Variants in LHPP observed in about 807,000 individuals in gnomAD.
LHPP encodes the protein phospholysine phosphohistidine inorganic pyrophosphate phosphatase.
In LHPP, 24 loss-of-function variants were observed where a neutral mutation model predicts 30.3. The ratio of observed to expected loss-of-function variants is 0.79; its 90% CI spans 0.57 to 1.11. LHPP has a LOEUF of 1.11. LHPP is among the 50% of genes most tolerant of loss of function. LHPP has a pLI of 0.00. For synonymous variants in LHPP, 150 were observed against 157.1 expected, an observed-to-expected ratio of 0.95 and a Z score of 0.34; for missense variants, 356 against 367.2, an observed-to-expected ratio of 0.97 and a Z score of 0.25.
intron 6 of LHPP, among the ~76,000 whole-genome samples, chr10:124,599,897 C>T (rs560887994): frequency 2.4e-4 from 37 of 152,190 alleles, no homozygotes; most frequent in Non-Finnish European, 5.1e-4. Context: ...GGCCTGTGTC[C>T]CAGAGACCTT....
chr10:124,508,426 C>T lies in LHPP; in HGVS notation c.625-8754C>T, dbSNP rs80283209. Among the ~76,000 whole-genome samples the T allele has an allele frequency of 4.1e-4, 63 of 152,270 alleles. No individual in the cohort carries two copies. The East Asian group carries it at 8.9e-3, about 21-fold the overall frequency. On this transcript the variant is annotated intron_variant, in intron 5 of 6. Transcript: ENST00000368842. ...GGTTTGAATTGGAAACTCTGTCCAC[C>T]GATGCCTGGCACCTGGCACCTAGCC...
intron 1 of LHPP, among the ~76,000 whole-genome samples, chr10:124,471,436 A>AT (rs1291362122): frequency 6.3e-5 from 1 of 15,776 alleles, no homozygotes; most frequent in African/African-American, 2.1e-4. Context: ...ATATTTATAT[A>AT]TTATATATAT....
At chr10:124,464,025 C>T (rs1952486989) in intron 1 of LHPP, among the ~76,000 whole-genome samples, 1 of 151,922 alleles carries the variant, frequency 6.6e-6, no homozygotes, top group Non-Finnish European at 1.5e-5. Context: ...TGCCATGTTG[C>T]CCAGGCCGGT....
intron 3 of LHPP, among the ~76,000 whole-genome samples, chr10:124,492,732 T>C (rs1953571058): frequency 6.6e-6 from 1 of 152,222 alleles, no homozygotes; most frequent in Non-Finnish European, 1.5e-5. Flanking sequence ...TTACACCCAT[T>C]GCAATTTAGG....
intron 1 of LHPP, among the ~76,000 whole-genome samples, chr10:124,470,681 C>CAACAACAACAACAACAAT (rs1554877242): frequency 3.3e-5 from 5 of 150,776 alleles, no homozygotes; most frequent in African/African-American, 1.2e-4. Flanking sequence ...ACAACAACAA[C>CAACAACAACAACAACAAT]AATAATAATA....
chr10:124,512,065 C>T (rs1278012267), intron 5 of LHPP, among the ~76,000 whole-genome samples: 2 of 152,154 alleles, frequency 1.3e-5, no homozygotes, highest in Non-Finnish European at 1.5e-5. Flanking sequence ...TTATCCCAGG[C>T]CCTGATGATG....
chr10:124,518,965 A>G (rs1954535047), intron 6 of LHPP, among the ~76,000 whole-genome samples: 1 of 152,060 alleles, frequency 6.6e-6, no homozygotes, highest in African/African-American at 2.4e-5. Context: ...TTTTTTTGAG[A>G]CAGAGTCTCC....
intron 6 of LHPP, among the ~76,000 whole-genome samples, chr10:124,581,812 T>TC (rs34333650): frequency 0.4 from 61,191 of 151,950 alleles, 12,541 homozygotes; most frequent in Non-Finnish European, 0.45. Flanking sequence ...AAACAGATTC[T>TC]GCTTTGTCGG....
chr10:124,592,608 ATGCCCATGGCTGG>A lies in LHPP; in HGVS notation c.717-20649_717-20637del, dbSNP rs1168896374. On this transcript the variant is annotated intron_variant, in intron 6 of 6. Coordinates refer to ENST00000368842, the MANE Select transcript of LHPP (RefSeq NM_022126.4). The surrounding 1 kb of genome is among the most constrained non-coding windows in gnomAD (Gnocchi z 6.2). ...GGACCACTGAGCCCCAACCACCACC[ATGCCCATGGCTGG>A]TGCCCAGGAGGTGGGAGCTGTGGAG... Among the ~76,000 whole-genome samples, 2 of 152,036 alleles carry A rather than the reference ATGCCCATGGCTGG, an allele frequency of 1.3e-5. No individual in the cohort carries two copies. Among genetic ancestry groups the A allele is most frequent in the Admixed American group, 6.5e-5 (1 of 15,276 alleles).
intron 5 of LHPP, among the ~76,000 whole-genome samples, chr10:124,505,971 C>T (rs1160194379): frequency 1.3e-5 from 2 of 152,094 alleles, no homozygotes; most frequent in Non-Finnish European, 2.9e-5. Flanking sequence ...TCAGGCTGGG[C>T]GCAGTTGCTC....
At chr10:124,531,978 A>G (rs1443917793) in intron 6 of LHPP, among the ~76,000 whole-genome samples, 1 of 152,180 alleles carries the variant, frequency 6.6e-6, no homozygotes, top group African/African-American at 2.4e-5. Flanking sequence ...TCTTCTTTCC[A>G]CTGATTGATG....
chr10:124,498,071 G>A lies in LHPP; in HGVS notation c.567G>A (p.Lys189=). 1 of 1,614,234 alleles carries A rather than the reference G, an allele frequency of 6.2e-7. No homozygotes were observed. Among genetic ancestry groups the A allele is most frequent in the South Asian group, 1.1e-5 (1 of 91,090 alleles). The change falls in exon 5 of 7, where the codon AAG becomes AAA. Residue 189 remains lysine, a synonymous_variant. Coordinates refer to ENST00000368842, the MANE Select transcript of LHPP (RefSeq NM_022126.4). ...GCATCAAAGCCGAGGTGGTGGGGAA[G>A]CCTTCTCCTGAGTTTTTCAAGTCTG... ...ACGIKAEVVG[K]PSPEFFKSAL...
At chr10:124,582,041 C>G (rs1948749917) in intron 6 of LHPP, among the ~76,000 whole-genome samples, 1 of 151,956 alleles carries the variant, frequency 6.6e-6, no homozygotes, top group Non-Finnish European at 1.5e-5. Context: ...CTTGGCCTCC[C>G]AAAGTGCTGG....
At chr10:124,558,091 G>A (rs1399911195) in intron 6 of LHPP, among the ~76,000 whole-genome samples, 1 of 152,182 alleles carries the variant, frequency 6.6e-6, no homozygotes, top group Non-Finnish European at 1.5e-5. Flanking sequence ...TGAGGGAGAA[G>A]CAGCCACGTG....
At chr10:124,501,183 G>T (rs1487527340) in intron 5 of LHPP, among the ~76,000 whole-genome samples, 4 of 151,946 alleles carry the variant, frequency 2.6e-5, no homozygotes, top group African/African-American at 9.7e-5. Context: ...TCCATGTATA[G>T]CAAATGTCTA....
intron 6 of LHPP, among the ~76,000 whole-genome samples, chr10:124,584,955 T>A (rs1589694469): frequency 6.6e-6 from 1 of 152,176 alleles, no homozygotes; most frequent in East Asian, 1.9e-4. Context: ...TGCACAAAAT[T>A]ATTTAAAATT....
chr10:124,606,730 G>T (rs535078758), intron 6 of LHPP, among the ~76,000 whole-genome samples: 1 of 152,362 alleles, frequency 6.6e-6, no homozygotes, highest in Admixed American at 6.5e-5. Flanking sequence ...GCTGGGCCTG[G>T]GGCAGGGGGA....
rs1257352141 is a variant in LHPP, at chr10:124,613,667, AG to A, written c.*309del. 1.7e-5 allele frequency: 8 copies of A among 460,524 alleles called. No homozygotes were observed. The highest frequency in any genetic ancestry group is 2.8e-5 in the Non-Finnish European group (7 of 250,840). The allele number at this position is 460,524 out of a possible 1,614,324, so 28.5% of individuals were successfully genotyped here. A position where few individuals can be genotyped will look rare whatever the true frequency, so the allele number is the denominator to read the frequency against. On this transcript the variant is annotated 3_prime_UTR_variant, in exon 7 of 7. Coordinates refer to ENST00000368842, the MANE Select transcript of LHPP (RefSeq NM_022126.4). The stretch of plus-strand genomic sequence containing the variant: ...TCCAGGAGGGTGGGACAGGCCTGTC[AG>A]GCCTCTGGGAATCTCCCAAATCCCA...
At chr10:124,526,273 C>G in intron 6 of LHPP, 1 of 979,848 alleles carries the variant, frequency 1.0e-6, no homozygotes, top group South Asian at 4.7e-5. Context: ...AGGTATGCCT[C>G]ATGGCGGGGC....
Sources: gnomAD v4.1 joint callset for allele counts (sites outside exome capture counted in the v4.1 genomes callset) on GRCh38, gnomAD v4.1.1 for gene constraint, Gnocchi (gnomAD v3.1) non-coding constraint, MANE v1.5 for transcripts, NCBI Gene and HGNC (gene_info 2026-07-23, HGNC 2026-07-21) for gene names.